The following TMEM92 variants were observed in gnomAD, a reference collection of about 807,000 sequenced individuals.
The protein encoded by TMEM92 is transmembrane protein 92.
TMEM92 carries 15 observed loss-of-function variants against 14.6 expected under a neutral mutation model. The observed-to-expected ratio is 1.03, with a 90% CI of 0.69 to 1.58. TMEM92 has a LOEUF of 1.58. TMEM92 is among the 40% of genes most tolerant of loss of function. TMEM92 has a pLI of 0.00. For missense variants in TMEM92, 174 were observed against 202.4 expected (o/e 0.86, Z 0.85); for synonymous variants, 85 against 83.3 (o/e 1.02, Z -0.11).
upstream of TMEM92, among the ~76,000 whole-genome samples, chr17:50,271,749 T>C (rs1169730919): frequency 6.6e-6 from 1 of 152,166 alleles, no homozygotes; most frequent in African/African-American, 2.4e-5. Flanking sequence ...GTCTCAAATA[T>C]TGCATGGGCC....
At chr17:50,272,691 G>A (rs1910287286), upstream of TMEM92, among the ~76,000 whole-genome samples, 1 of 152,148 alleles carries the variant, frequency 6.6e-6, no homozygotes, top group Non-Finnish European at 1.5e-5. Context: ...AGGGCTAGGA[G>A]GTAATGGGAA....
At position 50,278,913 on chromosome 17, in the gene TMEM92, C is replaced by T. The variant is rs143844371; in HGVS notation, c.283C>T (p.Arg95Trp). 9 of 1,613,496 alleles carry T rather than the reference C, an allele frequency of 5.6e-6. No homozygotes were observed. Among genetic ancestry groups the T allele is most frequent in the African/African-American group, 5.3e-5 (4 of 74,836 alleles). The change falls in exon 4 of 5, where the codon CGG becomes TGG. Residue 95 changes from arginine to tryptophan, a missense_variant. Transcript: ENST00000507382. Reference sequence around the variant, plus strand: ...GGAGCCAGACAGCCCAGTGGATTGCCGGGGGCCCCTGGAACTGCCCTCCAT... The same window carrying T: ...GGAGCCAGACAGCCCAGTGGATTGCTGGGGGCCCCTGGAACTGCCCTCCAT... Reference protein sequence around the residue: ...EPEPDSPVDCRGPLELPSIIP... With the variant: ...EPEPDSPVDCWGPLELPSIIP...
upstream of TMEM92, among the ~76,000 whole-genome samples, chr17:50,273,350 C>T (rs1256359533): frequency 6.6e-6 from 1 of 152,190 alleles, no homozygotes; most frequent in African/African-American, 2.4e-5. Context: ...CCGGAAGCTC[C>T]GCGCCTGGAG....
intron 1 of TMEM92, chr17:50,274,877 T>A (rs1910375798): frequency 5.0e-6 from 2 of 403,634 alleles, no homozygotes; most frequent in South Asian, 6.2e-5. Flanking sequence ...TAGCCTCAGC[T>A]TATCCTTCCA....
chr17:50,272,974 C>T (rs1439841746), upstream of TMEM92, among the ~76,000 whole-genome samples: 5 of 151,964 alleles, frequency 3.3e-5, no homozygotes, highest in Admixed American at 3.3e-4. Context: ...CGGGGAGAGA[C>T]ACAGAGGGGT....
upstream of TMEM92, among the ~76,000 whole-genome samples, chr17:50,272,533 C>T (rs1276595387): frequency 6.6e-6 from 1 of 152,086 alleles, no homozygotes; most frequent in Non-Finnish European, 1.5e-5. Context: ...AGGACGAGGT[C>T]CCCCTGCCAA....
chr17:50,274,372 G>T, upstream of TMEM92: 1 of 890,400 alleles, frequency 1.1e-6, no homozygotes, highest in Non-Finnish European at 1.8e-6. Flanking sequence ...GCCCCTCCCT[G>T]CCCCGAGTCC....
chr17:50,277,838 C>T (rs1051862312), intron 2 of TMEM92, 98 bp downstream of exon 2: 4 of 1,473,202 alleles, frequency 2.7e-6, no homozygotes, highest in Admixed American at 1.8e-5. Flanking sequence ...CCAGAAACTC[C>T]ATCCGTCCTC....
intron 1 of TMEM92, among the ~76,000 whole-genome samples, chr17:50,276,767 A>ATGCAGCAAAAATCCC (rs1430884124): frequency 5.9e-5 from 9 of 152,258 alleles, no homozygotes; most frequent in Admixed American, 2.0e-4. Context: ...TTCAACAATG[A>ATGCAGCAAAAATCCC]TGCAGCAAAA....
At position 50,278,865 on chromosome 17, in the gene TMEM92, T is replaced by G; in HGVS notation, c.235T>G (p.Phe79Val). Residue 79 changes from phenylalanine to valine, a missense_variant, in exon 4 of 5, where the codon TTC becomes GTC. Physicochemically the swap from Phe to Val is conservative, Grantham distance 50 (BLOSUM62 -1). Transcript: ENST00000507382. ...VFCICGLAKC[F>V]CRNCREPEPD... ...TTGCATCTGTGGCCTGGCTAAGTGC[T>G]TCTGTCGCAACTGCAGAGAGCCGGA... The G allele has an allele frequency of 6.2e-7, 1 of 1,613,726 alleles. No homozygotes were observed. Among genetic ancestry groups the G allele is most frequent in the Non-Finnish European group, 8.5e-7 (1 of 1,179,836 alleles).
chr17:50,280,650 G>C lies in TMEM92; in HGVS notation c.*1342G>C, dbSNP rs1320136133. 6.6e-6 allele frequency: 1 copy of C among 152,228 alleles called. No homozygotes were observed. Among genetic ancestry groups the C allele is most frequent in the East Asian group, 1.9e-4 (1 of 5,190 alleles). 9.4% of individuals were successfully genotyped at this position (152,228 alleles called of 1,614,324 possible). On this transcript the variant is annotated 3_prime_UTR_variant, in exon 5 of 5. Transcript: ENST00000507382. ...AGAACTGGCCCTGGTATGCCAACAG[G>C]GGTGCCTCTTTTAGTGCTCTCCCAA...
At chr17:50,274,912 C>A (rs983521625) in intron 1 of TMEM92, 7 of 302,164 alleles carry the variant, frequency 2.3e-5, no homozygotes, top group African/African-American at 1.6e-4. Context: ...GAGCTTTGGA[C>A]ACCTGGGCCA....
Position 50,277,177 on chromosome 17 carries a change from C to G in TMEM92, c.70-538C>G, listed in dbSNP as rs1337921811. ...GAGGCTTGGACAGGTGTAAAACAGC[C>G]AGGTATGTTCAGGGAACTCCCAGCG... is the stretch of plus-strand genomic sequence containing the variant. On this transcript the variant is annotated intron_variant, in intron 1 of 4. Transcript: ENST00000507382. Among the ~76,000 whole-genome samples, 4 of 152,028 alleles carry G rather than the reference C, an allele frequency of 2.6e-5. No homozygotes were observed. In the East Asian group the frequency reaches 7.7e-4, roughly 29 times the overall value.
intron 1 of TMEM92, among the ~76,000 whole-genome samples, chr17:50,276,040 AG>A (rs1910419425): frequency 6.6e-6 from 1 of 152,058 alleles, no homozygotes. Context: ...CTGAGGCAGG[AG>A]TATCACTTGA....
rs1969512 is a variant in TMEM92, at chr17:50,280,055, G to A, written c.*747G>A. ...GAAATGGGGTACGCGTGTCCCTTGT[G>A]TGGGTTTCCCAATCCCTTCCGCCCA... is the stretch of plus-strand genomic sequence containing the variant. On this transcript the variant is annotated 3_prime_UTR_variant, in exon 5 of 5. Transcript: ENST00000507382. 6.6e-6 allele frequency: 1 copy of A among 152,312 alleles called. No individual in the cohort carries two copies. Among genetic ancestry groups the A allele is most frequent in the African/African-American group, 2.4e-5 (1 of 41,542 alleles). 9.4% of individuals were successfully genotyped at this position (152,312 alleles called of 1,614,324 possible).
At chr17:50,275,888 C>T (rs1248435709) in intron 1 of TMEM92, among the ~76,000 whole-genome samples, 2 of 151,948 alleles carry the variant, frequency 1.3e-5, no homozygotes, top group African/African-American at 4.8e-5. Flanking sequence ...GCCTGTAATC[C>T]CAGCACTTTG....
intron 3 of TMEM92, 61 bp downstream of exon 3, chr17:50,278,691 A>G: frequency 6.3e-7 from 1 of 1,590,444 alleles, no homozygotes; most frequent in Non-Finnish European, 8.6e-7. Context: ...CTGTGTGGAC[A>G]AGGCCAGGCA....
chr17:50,280,864 G>C lies in TMEM92; in HGVS notation c.*1556G>C, dbSNP rs193103396. The C allele has an allele frequency of 6.6e-6, 1 of 152,538 alleles. No individual in the cohort carries two copies. Among genetic ancestry groups the C allele is most frequent in the East Asian group, 1.9e-4 (1 of 5,184 alleles). The allele number at this position is 152,538 out of a possible 1,614,324, so 9.4% of individuals were successfully genotyped here. On this transcript the variant is annotated 3_prime_UTR_variant, in exon 5 of 5. Transcript: ENST00000507382. The stretch of plus-strand genomic sequence containing the variant: ...GCCAGGGTTGGCCATAGGAGAATGA[G>C]CCCAAGCGTAAGTGGAAGTTTCCCT...
upstream of TMEM92, among the ~76,000 whole-genome samples, chr17:50,273,018 T>C (rs1404599802): frequency 6.6e-6 from 1 of 151,104 alleles, no homozygotes; most frequent in Non-Finnish European, 1.5e-5. Context: ...CTGGGAGAGA[T>C]GAGGGAGAAG....
Sources: allele counts gnomAD v4.1 joint callset (sites outside exome capture counted in the v4.1 genomes callset), GRCh38; gene constraint gnomAD v4.1.1; transcripts MANE v1.5; gene names NCBI Gene and HGNC (gene_info 2026-07-23, HGNC 2026-07-21).